The following USP6NL variants were observed in gnomAD, a reference collection of about 807,000 sequenced individuals.
USP6NL encodes USP6 N-terminal-like protein.
Under a neutral mutation model 61.9 loss-of-function variants are expected in USP6NL, and 26 were observed. The ratio of observed to expected loss-of-function variants is 0.42; its 90% CI spans 0.31 to 0.58. USP6NL has a LOEUF of 0.58. USP6NL is among the 20% of genes least tolerant of loss of function. The pLI, the probability that USP6NL is intolerant of heterozygous loss-of-function variation, is 0.16. For missense variants in USP6NL, 1,114 were observed against 1,034.3 expected, an observed-to-expected ratio of 1.08 and a Z score of -1.06; for synonymous variants, 432 against 390.1, an observed-to-expected ratio of 1.11 and a Z score of -1.27.
intron 2 of USP6NL, among the ~76,000 whole-genome samples, chr10:11,556,393 A>G (rs1191118749): frequency 3.9e-5 from 6 of 152,206 alleles, no homozygotes; most frequent in African/African-American, 7.2e-5. Flanking sequence ...AAACATGTAG[A>G]AAGATAGAAA....
intron 6 of USP6NL, among the ~76,000 whole-genome samples, chr10:11,504,469 A>G (rs1320588245): frequency 2.0e-5 from 3 of 152,266 alleles, no homozygotes; most frequent in Non-Finnish European, 4.4e-5. Context: ...AAGATACAGA[A>G]GAAAAGTATC....
At chr10:11,543,882 G>C (rs570654590) in intron 2 of USP6NL, among the ~76,000 whole-genome samples, 3 of 140,568 alleles carry the variant, frequency 2.1e-5, no homozygotes, top group Non-Finnish European at 4.5e-5. Context: ...CGCAGTCTCG[G>C]CTCACTGCAA....
chr10:11,600,622 A>T lies in USP6NL; in HGVS notation c.-83-2905T>A, dbSNP rs1418613609. 6.6e-6 allele frequency among the ~76,000 whole-genome samples: 1 copy of T among 152,216 alleles called. No individual in the cohort carries two copies. Among genetic ancestry groups the T allele is most frequent in the African/African-American group, 2.4e-5 (1 of 41,460 alleles). On this transcript the variant is annotated intron_variant, in intron 1 of 14. Transcript: ENST00000609104. The surrounding 1 kb of genome is among the most constrained non-coding windows in gnomAD (Gnocchi z 4.1). ...TATTTTAAAAGTCTAGCCATATTTC[A>T]TAAGAAATACACCTAAATCAGCAAA...
chr10:11,541,524 G>C (rs1836068596), intron 2 of USP6NL, among the ~76,000 whole-genome samples: 3 of 151,860 alleles, frequency 2.0e-5, no homozygotes, highest in Admixed American at 6.6e-5. Flanking sequence ...AATGCAAGAA[G>C]GCTTTGAATA....
chr10:11,578,972 A>G (rs1837649129), intron 2 of USP6NL, among the ~76,000 whole-genome samples: 1 of 152,216 alleles, frequency 6.6e-6, no homozygotes, highest in South Asian at 2.1e-4. Context: ...ATTAGCAAAC[A>G]CTACAATCGG....
chr10:11,518,462 A>G lies in USP6NL; in HGVS notation c.195+73T>C. The G allele has an allele frequency of 7.3e-7, 1 of 1,366,400 alleles. No homozygotes were observed. Among genetic ancestry groups the G allele is most frequent in the Non-Finnish European group, 1.0e-6 (1 of 959,894 alleles). The allele number at this position is 1,366,400 out of a possible 1,614,324, so 84.6% of individuals were successfully genotyped here. A position where few individuals can be genotyped will look rare whatever the true frequency, so the allele number is the denominator to read the frequency against. On this transcript the variant is annotated intron_variant, in intron 5 of 14. Coordinates refer to ENST00000609104, the MANE Select transcript of USP6NL (RefSeq NM_014688.5). The surrounding 1 kb of genome is among the most constrained non-coding windows in gnomAD (Gnocchi z 5.3). ...ATATAATATGGCACTTAAAATCACAAAGGTGGTCAATTTTATTCTTCTAAT... is the reference window on the plus strand; with the variant it reads ...ATATAATATGGCACTTAAAATCACAGAGGTGGTCAATTTTATTCTTCTAAT...
chr10:11,541,280 T>C (rs1395749343), intron 2 of USP6NL, among the ~76,000 whole-genome samples: 1 of 138,538 alleles, frequency 7.2e-6, no homozygotes, highest in Non-Finnish European at 1.6e-5. Context: ...TATATATGTA[T>C]GTCACTCTTC....
At chr10:11,493,884 C>G (rs1288963103) in intron 7 of USP6NL, among the ~76,000 whole-genome samples, 1 of 152,092 alleles carries the variant, frequency 6.6e-6, no homozygotes, top group African/African-American at 2.4e-5. Context: ...CCTGCTCCTG[C>G]CTGTGCGGCC....
At chr10:11,566,708 A>T (rs1262208705) in intron 2 of USP6NL, among the ~76,000 whole-genome samples, 1 of 152,240 alleles carries the variant, frequency 6.6e-6, no homozygotes, top group Admixed American at 6.5e-5. Flanking sequence ...TATTTTACTT[A>T]ATTTTAATTA....
intron 1 of USP6NL, among the ~76,000 whole-genome samples, chr10:11,603,129 C>A (rs1328781826): frequency 6.6e-6 from 1 of 152,130 alleles, no homozygotes; most frequent in African/African-American, 2.4e-5. Flanking sequence ...GGCCTAAGAG[C>A]AAAATGAGCA....
At chr10:11,576,567 T>C (rs1253210968) in intron 2 of USP6NL, among the ~76,000 whole-genome samples, 1 of 152,244 alleles carries the variant, frequency 6.6e-6, no homozygotes, top group African/African-American at 2.4e-5. Context: ...GCGCCATCTA[T>C]GAACCAGAAA....
Position 11,501,182 on chromosome 10 carries a change from T to TGAAGTAA in USP6NL, c.302_303insTTACTTC (p.Pro102TyrfsTer9). 2 of 1,611,000 alleles carry TGAAGTAA rather than the reference T, an allele frequency of 1.2e-6. No individual in the cohort carries two copies. Among genetic ancestry groups the TGAAGTAA allele is most frequent in the Non-Finnish European group, 1.7e-6 (2 of 1,179,134 alleles). On this transcript the variant is annotated frameshift_variant, in exon 7 of 15. Coordinates refer to ENST00000609104, the MANE Select transcript of USP6NL (RefSeq NM_014688.5). LOFTEE classifies it high-confidence loss of function. ...AGACTTCACCTCTGAGCTGGAGTGG[T>TGAAGTAA]ATTCCTTTGTAAATTCGCCTATGAA...
chr10:11,517,087 G>A (rs1254816070), intron 5 of USP6NL, among the ~76,000 whole-genome samples: 2 of 152,170 alleles, frequency 1.3e-5, no homozygotes, highest in African/African-American at 4.8e-5. Flanking sequence ...GATATCTTTT[G>A]TTAAAGATAT....
Position 11,598,504 on chromosome 10 carries a change from T to C in USP6NL, c.-83-787A>G, listed in dbSNP as rs1367045297. 6.6e-6 allele frequency among the ~76,000 whole-genome samples: 1 copy of C among 152,154 alleles called. No homozygotes were observed. The highest frequency in any genetic ancestry group is 1.5e-5 in the Non-Finnish European group (1 of 68,026). On this transcript the variant is annotated intron_variant, in intron 1 of 14. Transcript: ENST00000609104. This position sits in a 1 kb window ranked among gnomAD's most constrained non-coding sequence, Gnocchi z 4.7. ...TTACTGTATTTCTAAAATATTAATATAGGTATAAATATTAATGCTATATTT... is the reference window on the plus strand; with the variant it reads ...TTACTGTATTTCTAAAATATTAATACAGGTATAAATATTAATGCTATATTT...
intron 2 of USP6NL, among the ~76,000 whole-genome samples, chr10:11,533,350 A>G (rs1566163780): frequency 6.6e-6 from 1 of 152,250 alleles, no homozygotes; most frequent in Non-Finnish European, 1.5e-5. Context: ...GGTAAGCTGA[A>G]GACTGACCTT....
intron 14 of USP6NL, among the ~76,000 whole-genome samples, chr10:11,479,736 C>T (rs535927782): frequency 2.7e-3 from 409 of 152,044 alleles, no homozygotes; most frequent in African/African-American, 9.4e-3. Context: ...CCACTATGCC[C>T]GACTAATTTG....
At chr10:11,500,564 A>G (rs1023549733) in intron 7 of USP6NL, among the ~76,000 whole-genome samples, 7 of 152,186 alleles carry the variant, frequency 4.6e-5, no homozygotes, top group African/African-American at 1.7e-4. Context: ...TAAGAAAAAA[A>G]TTATTACTCA....
intron 2 of USP6NL, among the ~76,000 whole-genome samples, chr10:11,590,079 T>C (rs1008670449): frequency 4.6e-5 from 7 of 152,184 alleles, no homozygotes; most frequent in Non-Finnish European, 1.0e-4. Context: ...GCATTTCAGT[T>C]TTAAAAAAGA....
intron 2 of USP6NL, among the ~76,000 whole-genome samples, chr10:11,557,366 A>G (rs1297729637): frequency 6.6e-6 from 1 of 152,212 alleles, no homozygotes; most frequent in Admixed American, 6.5e-5. Flanking sequence ...CTTAATAGCA[A>G]TTAGAATTTG....
Sources: allele counts gnomAD v4.1 joint callset (sites outside exome capture counted in the v4.1 genomes callset), GRCh38; gene constraint gnomAD v4.1.1; non-coding constraint Gnocchi (gnomAD v3.1); transcripts MANE v1.5; gene names NCBI Gene and HGNC (gene_info 2026-07-23, HGNC 2026-07-21).